The following ROPN1L variants were observed in gnomAD, a reference collection of about 807,000 sequenced individuals.
The protein encoded by ROPN1L is rhophilin associated tail protein 1 like.
ROPN1L carries 23 observed loss-of-function variants against 22.7 expected under a neutral mutation model. The observed-to-expected ratio is 1.01, with a 90% confidence interval of 0.73 to 1.43. The LOEUF (loss-of-function observed/expected upper bound fraction) is 1.43. ROPN1L is among the 40% of genes most tolerant of loss of function. ROPN1L has a pLI of 0.00. For missense variants in ROPN1L, 271 were observed against 291.5 expected (o/e 0.93, Z 0.51); for synonymous variants, 116 against 117.8 (o/e 0.98, Z 0.10).
At chr5:10,475,971 A>C (rs946712454), downstream of ROPN1L, among the ~76,000 whole-genome samples, 2 of 152,236 alleles carry the variant, frequency 1.3e-5, no homozygotes, top group African/African-American at 4.8e-5. Flanking sequence ...CTTTGCCATC[A>C]TATGGACTTT....
intron 2 of ROPN1L, 147 bp downstream of exon 2, chr5:10,448,530 A>G (rs932961692): frequency 3.3e-6 from 3 of 902,308 alleles, no homozygotes; most frequent in African/African-American, 3.4e-5. Context: ...CCTGCCACGC[A>G]TCGTCAAGGT....
chr5:10,462,955 C>A (rs983956819), intron 4 of ROPN1L, among the ~76,000 whole-genome samples: 1 of 152,184 alleles, frequency 6.6e-6, no homozygotes, highest in Non-Finnish European at 1.5e-5. Context: ...GAATTCATTT[C>A]TCCACAATGA....
chr5:10,452,870 A>G (rs970646984), intron 3 of ROPN1L, among the ~76,000 whole-genome samples: 4 of 152,212 alleles, frequency 2.6e-5, no homozygotes, highest in African/African-American at 9.6e-5. Flanking sequence ...TTGTCCATGT[A>G]GAGTGTGTGA....
chr5:10,465,680 C>G (rs1485411151), downstream of ROPN1L, among the ~76,000 whole-genome samples: 1 of 151,682 alleles, frequency 6.6e-6, no homozygotes, highest in Non-Finnish European at 1.5e-5. Context: ...GAAACCCCGT[C>G]TCTACTAGAA....
intron 3 of ROPN1L, among the ~76,000 whole-genome samples, chr5:10,459,535 C>T (rs373516282): frequency 1.3e-5 from 2 of 152,170 alleles, no homozygotes; most frequent in African/African-American, 4.8e-5. Context: ...GATCTGCCCC[C>T]ACCCCATCCC....
At chr5:10,465,725 A>C (rs1364235952), downstream of ROPN1L, among the ~76,000 whole-genome samples, 1 of 147,460 alleles carries the variant, frequency 6.8e-6, no homozygotes, top group Non-Finnish European at 1.5e-5. Context: ...GGCGGTGGGC[A>C]CCTGTAATCC....
chr5:10,443,569 C>T (rs1306105836), intron 1 of ROPN1L, among the ~76,000 whole-genome samples: 1 of 151,756 alleles, frequency 6.6e-6, no homozygotes, highest in African/African-American at 2.4e-5. Flanking sequence ...TTGCAGTGAG[C>T]CGAGATTGCG....
intron 1 of ROPN1L, among the ~76,000 whole-genome samples, chr5:10,442,802 G>T (rs1051642541): frequency 6.6e-5 from 10 of 152,212 alleles, no homozygotes; most frequent in Non-Finnish European, 2.9e-5. Flanking sequence ...TCCCTAGAGT[G>T]CTCAGGGTAA....
At chr5:10,450,409 T>C (rs905478278) in intron 3 of ROPN1L, among the ~76,000 whole-genome samples, 1 of 152,228 alleles carries the variant, frequency 6.6e-6, no homozygotes, top group African/African-American at 2.4e-5. Flanking sequence ...AAACTACAAA[T>C]CATTTTGTAA....
rs954546888 is a variant in ROPN1L, at chr5:10,443,439, G to A, written c.131+1141G>A. Among the ~76,000 whole-genome samples, 11 of 151,890 alleles carry A rather than the reference G, an allele frequency of 7.2e-5. No homozygotes were observed. The East Asian group carries it at 1.9e-3, about 27-fold the overall frequency. ...AGATCGAGACCATCCTGGCTAACAAGGTGAAACCCCGTCTCTACTAAAAAT... is the reference window on the plus strand; with the variant it reads ...AGATCGAGACCATCCTGGCTAACAAAGTGAAACCCCGTCTCTACTAAAAAT... On this transcript the variant is annotated intron_variant, in intron 1 of 4. Transcript: ENST00000274134.
rs112014572 is a variant in ROPN1L at position 10,441,994 on chromosome 5, G to C, written c.-174G>C. ...GGTCCGAATTTCTCCCGAAGCCCGCGGAGGAGCGGGTAAGAGCCCCGCGAA... is the reference window on the plus strand; with the variant it reads ...GGTCCGAATTTCTCCCGAAGCCCGCCGAGGAGCGGGTAAGAGCCCCGCGAA... On this transcript the variant is annotated 5_prime_UTR_variant, in exon 1 of 5. Coordinates refer to ENST00000274134, the MANE Select transcript of ROPN1L (RefSeq NM_031916.5). The C allele has an allele frequency of 1.3e-6, 1 of 794,828 alleles. No individual in the cohort carries two copies. The highest frequency in any genetic ancestry group is 2.0e-6 in the Non-Finnish European group (1 of 511,866). 49.2% of individuals were successfully genotyped at this position (794,828 alleles called of 1,614,324 possible).
intron 4 of ROPN1L, among the ~76,000 whole-genome samples, chr5:10,470,748 A>C (rs1317416671): frequency 2.0e-5 from 3 of 152,246 alleles, no homozygotes; most frequent in African/African-American, 7.2e-5. Context: ...GCAGGGCGTG[A>C]TCAGGAGAGC....
At position 10,464,918 on chromosome 5, in the gene ROPN1L, A is replaced by T. The variant is rs1272250956; in HGVS notation, c.664A>T (p.Ile222Phe). The change falls in exon 5 of 5, where the codon ATT (isoleucine) becomes TTT (phenylalanine). Residue 222 changes from isoleucine (I) to phenylalanine (F), a missense_variant. Transcript: ENST00000274134. ...FFPKRKLLES[I>F]ENSEDVGH ...TCCAAAGAGGAAACTTTTAGAAAGC[A>T]TTGAAAACTCTGAAGATGTAGGCCA... 1 of 1,604,836 alleles carries T rather than the reference A, an allele frequency of 6.2e-7. No individual in the cohort carries two copies.
chr5:10,481,228 T>C, the ROPN1L span, among the ~76,000 whole-genome samples: 2 of 152,220 alleles, frequency 1.3e-5, no homozygotes, highest in East Asian at 3.8e-4. Context: ...ATTTGAGTTA[T>C]AGTAAGGCCA....
chr5:10,480,282 T>C, the ROPN1L span, among the ~76,000 whole-genome samples: 4 of 152,202 alleles, frequency 2.6e-5, no homozygotes, highest in Admixed American at 2.6e-4. Flanking sequence ...AAGCATTTAA[T>C]GGCTGTCATC....
At chr5:10,447,946 G>A (rs1198504625) in intron 1 of ROPN1L, among the ~76,000 whole-genome samples, 4 of 152,182 alleles carry the variant, frequency 2.6e-5, no homozygotes, top group African/African-American at 7.2e-5. Flanking sequence ...AAGTGGCAGG[G>A]AGGAGGGGAA....
chr5:10,445,182 C>T (rs982735365), intron 1 of ROPN1L, among the ~76,000 whole-genome samples: 7 of 152,080 alleles, frequency 4.6e-5, no homozygotes, highest in East Asian at 3.9e-4. Context: ...ATGTTGGCCA[C>T]GCTGGTCTGG....
downstream of ROPN1L, chr5:10,465,117 TAGGGACCTTA>T (rs1431259321): frequency 2.3e-6 from 1 of 443,962 alleles, no homozygotes; most frequent in African/African-American, 2.0e-5. Flanking sequence ...CTGTGTCTTT[TAGGGACCTTA>T]AGTGTAAGAA....
chr5:10,477,479 T>C, the ROPN1L span, among the ~76,000 whole-genome samples: 15 of 152,162 alleles, frequency 9.9e-5, no homozygotes, highest in African/African-American at 3.6e-4. Context: ...TGAGCTGACA[T>C]CTGTTGATGG....
Sources: gnomAD v4.1 joint callset for allele counts (sites outside exome capture counted in the v4.1 genomes callset) on GRCh38, gnomAD v4.1.1 for gene constraint, MANE v1.5 for transcripts, NCBI Gene and HGNC (gene_info 2026-07-23, HGNC 2026-07-21) for gene names.